Variants in NEGR1 observed in about 807,000 individuals in gnomAD.
NEGR1 encodes the protein IgLON family member 4.
A neutral mutation model predicts 40.9 loss-of-function variants in NEGR1; 10 were observed. The ratio of observed to expected loss-of-function variants is 0.24; its 90% CI spans 0.15 to 0.42. The LOEUF (loss-of-function observed/expected upper bound fraction) is 0.42, where lower values mean the gene tolerates loss of function less well. Ranked by LOEUF, NEGR1 falls within the 10% of genes least tolerant of loss-of-function variation. The pLI, the probability that NEGR1 is intolerant of heterozygous loss-of-function variation, is 1.00. For synonymous variants in NEGR1, 185 were observed against 166.8 expected (o/e 1.11, Z -0.84); for missense variants, 352 against 438.9 (o/e 0.80, Z 1.77).
chr1:71,780,603 T>G (rs1656682446), intron 2 of NEGR1, among the ~76,000 whole-genome samples: 1 of 152,172 alleles, frequency 6.6e-6, no homozygotes, highest in Non-Finnish European at 1.5e-5. Flanking sequence ...TGAAATGTAT[T>G]TTAAAACCTC....
intron 6 of NEGR1, among the ~76,000 whole-genome samples, chr1:71,539,986 A>T (rs910509502): frequency 1.4e-4 from 22 of 151,948 alleles, no homozygotes; most frequent in African/African-American, 4.8e-4. Flanking sequence ...ATGAATTACA[A>T]CCAACCAAAA....
intron 6 of NEGR1, among the ~76,000 whole-genome samples, chr1:71,560,109 G>GATA (rs1348082837): frequency 7.6e-4 from 114 of 150,574 alleles, no homozygotes; most frequent in Middle Eastern, 3.4e-3. Flanking sequence ...TGATGATGAT[G>GATA]ATAACTATAT....
intron 1 of NEGR1, among the ~76,000 whole-genome samples, chr1:72,108,708 A>G (rs1034985500): frequency 7.9e-5 from 12 of 151,698 alleles, no homozygotes; most frequent in African/African-American, 2.7e-4. Context: ...TAGGAATCAG[A>G]TATCTTGACC....
intron 2 of NEGR1, among the ~76,000 whole-genome samples, chr1:71,821,924 T>C (rs1226468849): frequency 6.6e-6 from 1 of 151,890 alleles, no homozygotes; most frequent in African/African-American, 2.4e-5. Flanking sequence ...GGCAGCACTA[T>C]TGCACCAGCA....
At chr1:72,076,498 C>T (rs372469531) in intron 1 of NEGR1, among the ~76,000 whole-genome samples, 40 of 136,708 alleles carry the variant, frequency 2.9e-4, no homozygotes, top group African/African-American at 9.2e-4. Flanking sequence ...CAGAAACATT[C>T]CCCCCCATCC....
At chr1:72,277,280 T>C (rs1423625425) in intron 1 of NEGR1, among the ~76,000 whole-genome samples, 4 of 152,150 alleles carry the variant, frequency 2.6e-5, no homozygotes, top group African/African-American at 9.7e-5. Flanking sequence ...AGTATGGGTC[T>C]GGCCAATCAG....
chr1:71,650,171 T>C (rs1429451392), intron 4 of NEGR1, among the ~76,000 whole-genome samples: 2 of 152,046 alleles, frequency 1.3e-5, no homozygotes, highest in Admixed American at 6.6e-5. Flanking sequence ...TCTCCACTTA[T>C]ACTCTTAGAG....
At chr1:71,822,037 A>G (rs1287491893) in intron 2 of NEGR1, among the ~76,000 whole-genome samples, 1 of 151,858 alleles carries the variant, frequency 6.6e-6, no homozygotes, top group Admixed American at 6.6e-5. Context: ...TTTGTATGTG[A>G]GTGTGAGCCA....
chr1:72,094,173 TAAA>T (rs1174287064), intron 1 of NEGR1, among the ~76,000 whole-genome samples: 2 of 151,946 alleles, frequency 1.3e-5, no homozygotes, highest in Non-Finnish European at 2.9e-5. Flanking sequence ...GAAACCAACT[TAAA>T]AAATAAGCTC....
intron 6 of NEGR1, among the ~76,000 whole-genome samples, chr1:71,556,652 CAT>C (rs1491181020): frequency 0.013 from 1,824 of 145,084 alleles, 13 homozygotes; most frequent in Middle Eastern, 0.034. Context: ...CACACACACA[CAT>C]ACACACACAC....
chr1:71,716,979 C>G (rs1337662821), intron 3 of NEGR1, among the ~76,000 whole-genome samples: 1 of 152,134 alleles, frequency 6.6e-6, no homozygotes, highest in Non-Finnish European at 1.5e-5. Flanking sequence ...ACACCTTGTT[C>G]AAGAGAGATA....
intron 6 of NEGR1, among the ~76,000 whole-genome samples, chr1:71,554,612 T>G (rs565658557): frequency 6.6e-6 from 1 of 151,594 alleles, no homozygotes; most frequent in South Asian, 2.1e-4. Context: ...AAACACAAGA[T>G]AGAATATTAA....
At chr1:71,906,940 T>C (rs975456931) in intron 2 of NEGR1, among the ~76,000 whole-genome samples, 6 of 152,124 alleles carry the variant, frequency 3.9e-5, no homozygotes, top group Admixed American at 2.6e-4. Context: ...CTCTTATTTT[T>C]ACCTGCAGGA....
At chr1:71,566,239 G>T (rs1378301001) in intron 6 of NEGR1, among the ~76,000 whole-genome samples, 1 of 151,916 alleles carries the variant, frequency 6.6e-6, no homozygotes, top group Non-Finnish European at 1.5e-5. Flanking sequence ...TTAGGTGAAT[G>T]GATTTCTAAT....
rs191591481 is a variant in NEGR1 at position 71,421,832 on chromosome 1, C to A, written c.941-14262G>T. Among the ~76,000 whole-genome samples, 103 of 151,664 alleles carry A rather than the reference C, an allele frequency of 6.8e-4. 1 individual carries two copies. Among genetic ancestry groups the A allele is most frequent in the African/African-American group, 2.5e-3 (102 of 41,372 alleles). On this transcript the variant is annotated intron_variant, in intron 6 of 6. Coordinates refer to ENST00000357731, the MANE Select transcript of NEGR1 (RefSeq NM_173808.3). The stretch of plus-strand genomic sequence containing the variant: ...TTGCACTTGGGTGTAATTTTTTAAT[C>A]TTTAAATTAGAAAAGACAGATGATT...
At chr1:71,863,645 A>G (rs145028618) in intron 2 of NEGR1, among the ~76,000 whole-genome samples, 5 of 152,278 alleles carry the variant, frequency 3.3e-5, no homozygotes, top group African/African-American at 1.2e-4. Flanking sequence ...ACAAGTAATT[A>G]GAAGCATTAA....
intron 2 of NEGR1, among the ~76,000 whole-genome samples, chr1:71,888,030 CA>C (rs1660776401): frequency 6.9e-6 from 1 of 145,824 alleles, no homozygotes; most frequent in African/African-American, 2.6e-5. Context: ...CACACACACA[CA>C]CACACCTCTA....
At chr1:72,037,228 A>T (rs1905980) in intron 1 of NEGR1, among the ~76,000 whole-genome samples, 3 of 152,122 alleles carry the variant, frequency 2.0e-5, no homozygotes, top group Non-Finnish European at 4.4e-5. Context: ...ATGTTGGAAT[A>T]GATATTTAGT....
At chr1:71,771,397 T>A (rs548221208) in intron 3 of NEGR1, among the ~76,000 whole-genome samples, 1 of 152,078 alleles carries the variant, frequency 6.6e-6, no homozygotes, top group East Asian at 1.9e-4. Context: ...TGTATACCTA[T>A]GTAACAAAAC....
Sources: gnomAD v4.1 joint callset for allele counts (sites outside exome capture counted in the v4.1 genomes callset) on GRCh38, gnomAD v4.1.1 for gene constraint, MANE v1.5 for transcripts, NCBI Gene and HGNC (gene_info 2026-07-23, HGNC 2026-07-21) for gene names.